BFAR: variants seen among roughly 807,000 people sequenced by gnomAD.
The protein encoded by BFAR is bifunctional apoptosis regulator.
A neutral mutation model predicts 54.4 loss-of-function variants in BFAR; 52 were observed. The observed-to-expected ratio is 0.96, with a 90% CI of 0.77 to 1.21. The LOEUF (loss-of-function observed/expected upper bound fraction) is 1.21. Ranked by LOEUF, BFAR falls within the 50% of genes most tolerant of loss-of-function variation. The pLI, the probability that BFAR is intolerant of heterozygous loss-of-function variation, is 0.00. For synonymous variants in BFAR, 215 were observed against 204.3 expected, an observed-to-expected ratio of 1.05 and a Z score of -0.45; for missense variants, 571 against 534.0, an observed-to-expected ratio of 1.07 and a Z score of -0.68.
At chr16:14,653,873 A>C (rs1446903405) in intron 4 of BFAR, among the ~76,000 whole-genome samples, 4 of 150,478 alleles carry the variant, frequency 2.7e-5, no homozygotes, top group African/African-American at 9.8e-5. Context: ...ATGCCTGGCT[A>C]ATTTTTCTGG....
intron 1 of BFAR, among the ~76,000 whole-genome samples, chr16:14,640,170 A>G (rs914193820): frequency 6.6e-6 from 1 of 151,124 alleles, no homozygotes; most frequent in Non-Finnish European, 1.5e-5. Context: ...AAAAAAGAAG[A>G]AGAGAGAGAG....
intron 1 of BFAR, among the ~76,000 whole-genome samples, chr16:14,642,818 C>A (rs1250355827): frequency 2.6e-5 from 4 of 152,158 alleles, no homozygotes; most frequent in Non-Finnish European, 5.9e-5. Flanking sequence ...GTTACCAACC[C>A]CAGACATTTT....
At chr16:14,637,978 C>T (rs900386665) in intron 1 of BFAR, among the ~76,000 whole-genome samples, 1 of 150,948 alleles carries the variant, frequency 6.6e-6, no homozygotes, top group African/African-American at 2.4e-5. Flanking sequence ...TACAGGCAAT[C>T]ATTGCGAAGT....
At chr16:14,653,489 G>A (rs569694634) in intron 4 of BFAR, among the ~76,000 whole-genome samples, 45 of 151,944 alleles carry the variant, frequency 3.0e-4, no homozygotes, top group African/African-American at 9.6e-4. Context: ...CACCATGCCC[G>A]CCTAATTTGT....
At position 14,667,643 on chromosome 16, in the gene BFAR, C is replaced by T. The variant is rs1960478402; in HGVS notation, c.1169C>T (p.Pro390Leu). Residue 390 changes from proline to leucine, a missense_variant, in exon 8 of 8, where the codon CCT (proline) becomes CTT (leucine). By Grantham distance (98) the Pro-to-Leu change is moderately conservative (BLOSUM62 -3). Transcript: ENST00000261658. ...TTCTCTTCTTGTTTCAGGACCGTGC[C>T]TCAGAGGATGTGGAGCCATTTCTGG... is the stretch of plus-strand genomic sequence containing the variant. ...IWSRSELKTV[P>L]QRMWSHFWKV... 6.2e-7 allele frequency: 1 copy of T among 1,613,894 alleles called. No homozygotes were observed. Among genetic ancestry groups the T allele is most frequent in the Non-Finnish European group, 8.5e-7 (1 of 1,179,910 alleles).
intron 6 of BFAR, 80 bp from the exon 7 acceptor site, chr16:14,664,789 C>A: frequency 7.2e-7 from 1 of 1,387,394 alleles, no homozygotes; most frequent in Non-Finnish European, 1.0e-6. Context: ...TGTGAGCCAC[C>A]GTGCCTAGCC....
chr16:14,650,154 T>C (rs1959928693), intron 4 of BFAR, 181 bp downstream of exon 4: 3 of 514,674 alleles, frequency 5.8e-6, no homozygotes, highest in Admixed American at 8.2e-5. Flanking sequence ...AAACCCCATC[T>C]CTACTAAAAA....
At chr16:14,656,810 A>G (rs1175678225) in intron 5 of BFAR, among the ~76,000 whole-genome samples, 1 of 151,552 alleles carries the variant, frequency 6.6e-6, no homozygotes, top group Admixed American at 6.6e-5. Flanking sequence ...GTTAATAAGG[A>G]ACAAAGTCCT....
At chr16:14,655,438 C>T (rs1322327192) in intron 5 of BFAR, among the ~76,000 whole-genome samples, 4 of 151,336 alleles carry the variant, frequency 2.6e-5, no homozygotes, top group South Asian at 2.1e-4. Context: ...TATCCTACCT[C>T]AGCCTCCAGA....
In BFAR at chr16:14,661,918, C is replaced by T; in HGVS notation, c.810C>T (p.Phe270=). ...YKAVNPGRSL[F]LLYALKSSPR... ...CTGTGAACCCAGGCAGGTCCCTGTT[C>T]CTGCTATACGCCCTCAAGAGCTCCC... Residue 270 remains phenylalanine (F), a synonymous_variant, in exon 6 of 8, where the codon TTC becomes TTT. Transcript: ENST00000261658. 2 of 1,614,140 alleles carry T rather than the reference C, an allele frequency of 1.2e-6. No individual in the cohort carries two copies. Among genetic ancestry groups the T allele is most frequent in the Non-Finnish European group, 1.7e-6 (2 of 1,180,022 alleles).
At chr16:14,646,172 G>A (rs780634968) in intron 2 of BFAR, among the ~76,000 whole-genome samples, 16 of 152,142 alleles carry the variant, frequency 1.1e-4, no homozygotes, top group Non-Finnish European at 2.4e-4. Context: ...TCCTGCCTCA[G>A]CTTCCCTAAT....
chr16:14,659,712 G>A (rs1168382003), intron 5 of BFAR, among the ~76,000 whole-genome samples: 1 of 150,912 alleles, frequency 6.6e-6, no homozygotes, highest in Non-Finnish European at 1.5e-5. Flanking sequence ...CACCATGCCC[G>A]GCTAATTTTT....
intron 6 of BFAR, among the ~76,000 whole-genome samples, chr16:14,664,419 A>T (rs1376209790): frequency 1.3e-5 from 2 of 151,800 alleles, no homozygotes; most frequent in Non-Finnish European, 2.9e-5. Flanking sequence ...AACAATTACA[A>T]GATGAGTTGA....
At chr16:14,667,543 C>T (rs892042371) in intron 7 of BFAR, 92 bp from the exon 8 acceptor site, 16 of 1,245,166 alleles carry the variant, frequency 1.3e-5, no homozygotes, top group Non-Finnish European at 1.6e-5. Flanking sequence ...CAGCCATGCT[C>T]TTCCCAGCAC....
At chr16:14,659,239 T>TGTTTG (rs1960219226) in intron 5 of BFAR, among the ~76,000 whole-genome samples, 1 of 147,822 alleles carries the variant, frequency 6.8e-6, no homozygotes. Context: ...TTTTTGTTTT[T>TGTTTG]TTTTGTTTTT....
intron 5 of BFAR, among the ~76,000 whole-genome samples, chr16:14,659,111 G>C (rs1960211640): frequency 6.6e-6 from 1 of 151,796 alleles, no homozygotes; most frequent in Admixed American, 6.6e-5. Context: ...GTTTCACCGT[G>C]TTGGCCAGGC....
intron 4 of BFAR, among the ~76,000 whole-genome samples, chr16:14,652,602 A>G (rs1960003941): frequency 6.6e-6 from 1 of 152,084 alleles, no homozygotes; most frequent in South Asian, 2.1e-4. Context: ...TTATTTTTAA[A>G]AAAATAATAA....
chr16:14,655,223 A>AG lies in BFAR; in HGVS notation c.783+13_783+14insG. Reference sequence around the variant, plus strand: ...CTGGGAATATAAGGTGAACACTTTAATTTTTTTTTTTTTTTTTTACTTTTT... The same window carrying AG: ...CTGGGAATATAAGGTGAACACTTTAAGTTTTTTTTTTTTTTTTTTACTTTTT... On this transcript the variant is annotated intron_variant, in intron 5 of 7. Transcript: ENST00000261658. 1 of 1,174,704 alleles carries AG rather than the reference A, an allele frequency of 8.5e-7. No homozygotes were observed. The highest frequency in any genetic ancestry group is 3.2e-5 in the East Asian group (1 of 31,322). The allele number at this position is 1,174,704 out of a possible 1,614,324, so 72.8% of individuals were successfully genotyped here. A position where few individuals can be genotyped will look rare whatever the true frequency, so the allele number is the denominator to read the frequency against.
At position 14,648,452 on chromosome 16, in the gene BFAR, A is replaced by G. The variant is rs1452786702; in HGVS notation, c.328A>G (p.Asn110Asp). ...GAGATTTGAAGACATTCAGCAGAAT[A>G]ATGACATAGTCCAAAGTCTTGCAGC... ...RLRFEDIQQN[N>D]DIVQSLAAFQ... The change falls in exon 3 of 8, where the codon AAT becomes GAT. Residue 110 changes from asparagine (N) to aspartate (D), a missense_variant. Coordinates refer to ENST00000261658, the MANE Select transcript of BFAR (RefSeq NM_016561.3). 1.9e-6 allele frequency: 3 copies of G among 1,613,818 alleles called. No homozygotes were observed. The highest frequency in any genetic ancestry group is 3.3e-5 in the Admixed American group (2 of 59,982).
Sources: allele counts gnomAD v4.1 joint callset (sites outside exome capture counted in the v4.1 genomes callset), GRCh38; gene constraint gnomAD v4.1.1; transcripts MANE v1.5; gene names NCBI Gene and HGNC (gene_info 2026-07-23, HGNC 2026-07-21).